Variants in C19orf12 observed in about 807,000 individuals in gnomAD.
C19orf12 encodes protein C19orf12.
In C19orf12, 2 loss-of-function variants were observed where a neutral mutation model predicts 3.8. That is an observed-to-expected ratio of 0.53 (90% CI 0.22 to 1.66). The LOEUF is 1.66. Among genes scored for constraint, C19orf12 ranks in the 40% most tolerant of loss-of-function variants. The pLI, the probability that C19orf12 is intolerant of heterozygous loss-of-function variation, is 0.20. For synonymous variants in C19orf12, 89 were observed against 84.6 expected, an observed-to-expected ratio of 1.05 and a Z score of -0.28; for missense variants, 156 against 188.8, an observed-to-expected ratio of 0.83 and a Z score of 1.02.
rs796725489 is a variant in C19orf12 at position 29,712,404 on chromosome 19, C to CA, written c.-11+2720dup. On this transcript the variant is annotated intron_variant, in intron 1 of 2. Transcript: ENST00000323670. The stretch of plus-strand genomic sequence containing the variant: ...CTGGCAGCAGAGTGGGACTCCGTCT[C>CA]AAAAAAAAAAGAAAAAAGAAATACT... 1.3e-3 allele frequency among the ~76,000 whole-genome samples: 184 copies of CA among 143,486 alleles called. 1 individual carries two copies. Among genetic ancestry groups the CA allele is most frequent in the African/African-American group, 3.9e-3 (153 of 38,974 alleles). 94.1% of individuals were successfully genotyped at this position (143,486 alleles called of 152,430 possible). A position where few individuals can be genotyped will look rare whatever the true frequency, so the allele number is the denominator to read the frequency against.
chr19:29,703,378 CTTTTTTTTTT>C (rs1165470646), intron 2 of C19orf12, among the ~76,000 whole-genome samples: 2 of 128,408 alleles, frequency 1.6e-5, no homozygotes, highest in East Asian at 2.3e-4. Flanking sequence ...TTTTTCTTTT[CTTTTTTTTTT>C]TTTTTTTTTT....
chr19:29,711,777 C>A (rs574149081), intron 1 of C19orf12, among the ~76,000 whole-genome samples: 1,891 of 152,008 alleles, frequency 0.012, 35 homozygotes, highest in African/African-American at 0.043. Flanking sequence ...CTTCCCCCCC[C>A]AAAAAAAACC....
intron 2 of C19orf12, among the ~76,000 whole-genome samples, chr19:29,704,674 G>A (rs920073661): frequency 1.3e-5 from 2 of 152,218 alleles, no homozygotes; most frequent in African/African-American, 4.8e-5. Flanking sequence ...GTGCCCTAGG[G>A]AAGGGGTCCA....
intron 1 of C19orf12, among the ~76,000 whole-genome samples, chr19:29,714,662 A>G (rs1411689051): frequency 6.6e-6 from 1 of 150,794 alleles, no homozygotes; most frequent in African/African-American, 2.4e-5. Flanking sequence ...CACATTTATA[A>G]TACCTAGCAC....
intron 1 of C19orf12, 176 bp from the exon 2 acceptor site, chr19:29,708,599 A>ACAGGCAG: frequency 1.3e-6 from 1 of 744,182 alleles, no homozygotes; most frequent in South Asian, 1.5e-5. Context: ...CACAGACAGG[A>ACAGGCAG]CAGGCAGCAG....
rs182700680 is a variant in C19orf12, at chr19:29,699,312, A to T, written c.*3400T>A. ...GAAACCCCGTCTCTACTAAAAATAA[A>T]AAAAAAATAAAAAAATAAAAATTAG... is the stretch of plus-strand genomic sequence containing the variant. On this transcript the variant is annotated 3_prime_UTR_variant, in exon 3 of 3. Coordinates refer to ENST00000323670, the MANE Select transcript of C19orf12 (RefSeq NM_031448.6). The T allele has an allele frequency of 6.8e-4, 251 of 369,348 alleles. No individual in the cohort carries two copies. The highest frequency in any genetic ancestry group is 4.9e-3 in the African/African-American group (228 of 46,506). 22.9% of individuals were successfully genotyped at this position (369,348 alleles called of 1,614,324 possible). A position where few individuals can be genotyped will look rare whatever the true frequency, so the allele number is the denominator to read the frequency against.
At position 29,701,850 on chromosome 19, in the gene C19orf12, T is replaced by C; in HGVS notation, c.*862A>G. On this transcript the variant is annotated 3_prime_UTR_variant, in exon 3 of 3. Transcript: ENST00000323670. ...TTTGTACATTTGTTAGACATAATGC[T>C]ATTGCACATTTAGTGGACTGCAATA... The C allele has an allele frequency of 2.2e-6, 1 of 454,150 alleles. No homozygotes were observed. The highest frequency in any genetic ancestry group is 1.6e-5 in the South Asian group (1 of 64,478). 28.1% of individuals were successfully genotyped at this position (454,150 alleles called of 1,614,324 possible).
At position 29,707,399 on chromosome 19, in the gene C19orf12, C is replaced by T. The variant is rs142779446; in HGVS notation, c.160+855G>A. 1.7e-3 allele frequency among the ~76,000 whole-genome samples: 261 copies of T among 152,260 alleles called. 3 individuals are homozygous for T. The highest frequency in any genetic ancestry group is 6.1e-3 in the African/African-American group (253 of 41,544). ...GCAGGTGGTAAAGGAGGTGGGCAGG[C>T]CCTCTAAGGGTGAAAGGCAGTTCTT... On this transcript the variant is annotated intron_variant, in intron 2 of 2. Transcript: ENST00000323670.
At position 29,702,776 on chromosome 19, in the gene C19orf12, A is replaced by G; in HGVS notation, c.362T>C (p.Leu121Pro). 2.5e-6 allele frequency: 4 copies of G among 1,613,922 alleles called. No individual in the cohort carries two copies. The highest frequency in any genetic ancestry group is 3.4e-6 in the Non-Finnish European group (4 of 1,179,966). ...VMGSEALQQQ[L>P]LAMLVNYVTK... is the part of the protein sequence containing the mutation. ...GACGTAGTTCACCAGCATGGCCAGC[A>G]GCTGCTGCTGCAGGGCCTCGCTGCC... Residue 121 changes from leucine (L) to proline (P), a missense_variant, in exon 3 of 3, where the codon CTG becomes CCG. Coordinates refer to ENST00000323670, the MANE Select transcript of C19orf12 (RefSeq NM_031448.6).
intron 1 of C19orf12, among the ~76,000 whole-genome samples, chr19:29,713,955 TTTCCTTCC>T (rs66515158): frequency 6.6e-6 from 1 of 151,210 alleles, no homozygotes; most frequent in Non-Finnish European, 1.5e-5. Flanking sequence ...TTTTTCTTTC[TTTCCTTCC>T]TTCCTTCCTT....
At chr19:29,714,880 G>C in intron 1 of C19orf12, 1 of 675,330 alleles carries the variant, frequency 1.5e-6, no homozygotes, top group Admixed American at 2.1e-5. Flanking sequence ...CAGGGCCCGG[G>C]ACTCTAGTCC....
chr19:29,699,388 C>A lies in C19orf12; in HGVS notation c.*3324G>T. On this transcript the variant is annotated 3_prime_UTR_variant, in exon 3 of 3. Transcript: ENST00000323670. ...GTCAAAGCTACTCGGGAGGCTGAGG[C>A]AGGAGAATGGCTTGAACCCAGGAGG... 2.6e-6 allele frequency: 1 copy of A among 379,572 alleles called. No homozygotes were observed. Among genetic ancestry groups the A allele is most frequent in the Non-Finnish European group, 5.1e-6 (1 of 197,650 alleles). The allele number at this position is 379,572 out of a possible 1,614,324, so 23.5% of individuals were successfully genotyped here. A position where few individuals can be genotyped will look rare whatever the true frequency, so the allele number is the denominator to read the frequency against.
At chr19:29,715,340 G>A (rs1457165936), upstream of C19orf12, 1 of 389,786 alleles carries the variant, frequency 2.6e-6, no homozygotes, top group Admixed American at 3.0e-5. Flanking sequence ...CTGGCTCCGA[G>A]CTGCGCCCGG....
At chr19:29,709,009 G>C (rs796679611) in intron 1 of C19orf12, among the ~76,000 whole-genome samples, 1 of 152,222 alleles carries the variant, frequency 6.6e-6, no homozygotes, top group Admixed American at 6.5e-5. Flanking sequence ...AGTGCCTGGC[G>C]TAAGTCTGGA....
Position 29,699,402 on chromosome 19 carries a change from G to T in C19orf12, c.*3310C>A. 5.2e-6 allele frequency: 2 copies of T among 383,980 alleles called. No individual in the cohort carries two copies. The allele number at this position is 383,980 out of a possible 1,614,324, so 23.8% of individuals were successfully genotyped here. On this transcript the variant is annotated 3_prime_UTR_variant, in exon 3 of 3. Coordinates refer to ENST00000323670, the MANE Select transcript of C19orf12 (RefSeq NM_031448.6). Reference sequence around the variant, plus strand: ...GGAGGCTGAGGCAGGAGAATGGCTTGAACCCAGGAGGCAGAGCTTGCAGTG... The same window carrying T: ...GGAGGCTGAGGCAGGAGAATGGCTTTAACCCAGGAGGCAGAGCTTGCAGTG...
rs1972496714 is a variant in C19orf12 at position 29,708,437 on chromosome 19, G to C, written c.-10-14C>G. 6.2e-7 allele frequency: 1 copy of C among 1,612,604 alleles called. No homozygotes were observed. The highest frequency in any genetic ancestry group is 1.1e-5 in the South Asian group (1 of 91,082). ...ATCGTGGCGGGCCTTCGAGGGAGAA[G>C]TTCAGAGGGACAGTTTCAATGAGCA... On this transcript the variant is annotated splice_polypyrimidine_tract_variant and intron_variant, in intron 1 of 2. Coordinates refer to ENST00000323670, the MANE Select transcript of C19orf12 (RefSeq NM_031448.6).
chr19:29,703,609 C>T (rs1022825786), intron 2 of C19orf12, among the ~76,000 whole-genome samples: 1 of 151,892 alleles, frequency 6.6e-6, no homozygotes, highest in African/African-American at 2.4e-5. Flanking sequence ...GAACTCCTGA[C>T]CTCAGGTGAT....
At chr19:29,713,830 A>G (rs1972808424) in intron 1 of C19orf12, among the ~76,000 whole-genome samples, 1 of 147,420 alleles carries the variant, frequency 6.8e-6, no homozygotes, top group African/African-American at 2.5e-5. Context: ...GCCCACCCCC[A>G]TACAGCAGGG....
chr19:29,703,855 G>A (rs979128453), intron 2 of C19orf12, among the ~76,000 whole-genome samples: 2 of 152,002 alleles, frequency 1.3e-5, no homozygotes. Context: ...GCTGGGCTTG[G>A]GGGCACATGC....
Sources: gnomAD v4.1 joint callset for allele counts (sites outside exome capture counted in the v4.1 genomes callset) on GRCh38, gnomAD v4.1.1 for gene constraint, MANE v1.5 for transcripts, NCBI Gene and HGNC (gene_info 2026-07-23, HGNC 2026-07-21) for gene names.